Variants in ASTN2 observed in about 807,000 individuals in gnomAD.
ASTN2 encodes the protein astrotactin-2.
Under a neutral mutation model 139.8 loss-of-function variants are expected in ASTN2, and 54 were observed. That is an observed-to-expected ratio of 0.39 (90% CI 0.31 to 0.48). The LOEUF is 0.48. Ranked by LOEUF, ASTN2 falls within the 20% of genes least tolerant of loss-of-function variation. ASTN2 has a pLI of 0.95. For missense variants in ASTN2, 1,565 were observed against 1,725.1 expected (o/e 0.91, Z 1.64); for synonymous variants, 756 against 719.5 (o/e 1.05, Z -0.81).
intron 4 of ASTN2, among the ~76,000 whole-genome samples, chr9:117,134,746 C>T (rs1030788107): frequency 1.3e-4 from 20 of 152,186 alleles, no homozygotes; most frequent in African/African-American, 4.8e-4. Context: ...GCCCACACCA[C>T]CTTCATGTAT....
intron 10 of ASTN2, among the ~76,000 whole-genome samples, chr9:116,915,093 T>G (rs1834405498): frequency 6.6e-6 from 1 of 152,260 alleles, no homozygotes; most frequent in South Asian, 2.1e-4. Context: ...TAGGGATGCC[T>G]CATTTTGACA....
At chr9:116,468,176 C>T (rs942115177) in intron 20 of ASTN2, among the ~76,000 whole-genome samples, 2 of 152,232 alleles carry the variant, frequency 1.3e-5, no homozygotes, top group African/African-American at 4.8e-5. Flanking sequence ...ACTCATTCTT[C>T]TTTCAACCCT....
chr9:116,946,951 A>C (rs1835415699), intron 10 of ASTN2, among the ~76,000 whole-genome samples: 1 of 151,172 alleles, frequency 6.6e-6, no homozygotes, highest in African/African-American at 2.4e-5. Context: ...AAAAAAAAAA[A>C]CAACCCAGAT....
At chr9:117,120,010 G>GTATATA (rs1167959692) in intron 4 of ASTN2, among the ~76,000 whole-genome samples, 141 of 33,680 alleles carry the variant, frequency 4.2e-3, no homozygotes, top group African/African-American at 0.011. Flanking sequence ...GTGTGTGTGT[G>GTATATA]TGTGTGTGTA....
At chr9:116,945,994 G>T (rs956105576) in intron 10 of ASTN2, among the ~76,000 whole-genome samples, 5 of 152,224 alleles carry the variant, frequency 3.3e-5, no homozygotes, top group African/African-American at 1.2e-4. Context: ...GTCCTCCTTC[G>T]CATGGTGGTA....
At chr9:116,716,318 T>G (rs1273340695) in intron 16 of ASTN2, among the ~76,000 whole-genome samples, 1 of 152,152 alleles carries the variant, frequency 6.6e-6, no homozygotes, top group Non-Finnish European at 1.5e-5. Flanking sequence ...TAATGAGCAG[T>G]CTGCCAATCA....
intron 1 of ASTN2, among the ~76,000 whole-genome samples, chr9:117,327,828 C>A (rs1247953360): frequency 1.3e-5 from 2 of 152,286 alleles, no homozygotes; most frequent in East Asian, 3.9e-4. Context: ...ATAAATAAAG[C>A]AATCATTCAA....
chr9:116,620,810 A>AT (rs1262992812), intron 17 of ASTN2, among the ~76,000 whole-genome samples: 1 of 152,210 alleles, frequency 6.6e-6, no homozygotes, highest in Non-Finnish European at 1.5e-5. Flanking sequence ...CAGAAAGTAA[A>AT]TAACTTGACT....
intron 1 of ASTN2, among the ~76,000 whole-genome samples, chr9:117,368,897 G>C (rs1436509390): frequency 6.6e-6 from 1 of 152,158 alleles, no homozygotes; most frequent in East Asian, 1.9e-4. Context: ...GGAACGCCCT[G>C]AACCTTGATT....
At chr9:116,631,875 G>A (rs1319723929) in intron 17 of ASTN2, among the ~76,000 whole-genome samples, 1 of 152,014 alleles carries the variant, frequency 6.6e-6, no homozygotes, top group African/African-American at 2.4e-5. Context: ...CAACACTTTG[G>A]GATGCCGAGG....
intron 2 of ASTN2, among the ~76,000 whole-genome samples, chr9:117,245,825 T>C (rs1439369176): frequency 6.6e-6 from 1 of 152,198 alleles, no homozygotes; most frequent in Non-Finnish European, 1.5e-5. Flanking sequence ...TTTAGGTCTC[T>C]GCTCTTTAGG....
intron 16 of ASTN2, among the ~76,000 whole-genome samples, chr9:116,687,705 T>C (rs1490651190): frequency 6.6e-6 from 1 of 150,838 alleles, no homozygotes; most frequent in Non-Finnish European, 1.5e-5. Flanking sequence ...GTGTAGCATG[T>C]GGGAGATGGG....
intron 19 of ASTN2, among the ~76,000 whole-genome samples, chr9:116,539,059 T>A (rs2119338555): frequency 6.6e-6 from 1 of 152,220 alleles, no homozygotes; most frequent in East Asian, 1.9e-4. Context: ...TGGACGAACC[T>A]TGAGAACTAA....
intron 3 of ASTN2, among the ~76,000 whole-genome samples, chr9:117,150,534 A>G (rs1311423961): frequency 6.6e-6 from 1 of 152,176 alleles, no homozygotes; most frequent in Admixed American, 6.5e-5. Flanking sequence ...AGGCTTTGAA[A>G]TCAACCACAG....
At chr9:117,077,273 C>T (rs1828306165) in intron 5 of ASTN2, among the ~76,000 whole-genome samples, 1 of 152,142 alleles carries the variant, frequency 6.6e-6, no homozygotes, top group Admixed American at 6.6e-5. Flanking sequence ...GAGCTCCTGT[C>T]CTTGTTCTGT....
chr9:116,831,294 A>G (rs1198982365), intron 11 of ASTN2, among the ~76,000 whole-genome samples: 1 of 152,202 alleles, frequency 6.6e-6, no homozygotes, highest in Non-Finnish European at 1.5e-5. Flanking sequence ...TAAAAGCTCA[A>G]ACTTCACTAC....
At chr9:117,279,550 A>G (rs533484771) in intron 2 of ASTN2, among the ~76,000 whole-genome samples, 52 of 152,346 alleles carry the variant, frequency 3.4e-4, no homozygotes, top group African/African-American at 1.1e-3. Flanking sequence ...TCTACAAGTT[A>G]CGTGGTGAGG....
At chr9:116,875,927 G>T (rs1281333691) in intron 10 of ASTN2, among the ~76,000 whole-genome samples, 2 of 152,212 alleles carry the variant, frequency 1.3e-5, no homozygotes, top group African/African-American at 4.8e-5. Context: ...GGTTAATGTT[G>T]TTTTCATGCA....
intron 11 of ASTN2, 83 bp downstream of exon 11, chr9:116,863,500 G>A (rs1458624595): frequency 1.2e-5 from 18 of 1,536,558 alleles, no homozygotes; most frequent in Non-Finnish European, 1.6e-5. Context: ...CTCCTTACCA[G>A]CGTTCCCTCG....
Sources: gnomAD v4.1 joint callset for allele counts (sites outside exome capture counted in the v4.1 genomes callset) on GRCh38, gnomAD v4.1.1 for gene constraint, MANE v1.5 for transcripts, NCBI Gene and HGNC (gene_info 2026-07-23, HGNC 2026-07-21) for gene names.